The following BPIFC variants were observed in gnomAD, a reference collection of about 807,000 sequenced individuals.
BPIFC encodes the protein BPI fold containing family C, also known as BPI fold-containing family C protein.
BPIFC carries 60 observed loss-of-function variants against 57.6 expected under a neutral mutation model. The ratio of observed to expected loss-of-function variants is 1.04; its 90% CI spans 0.85 to 1.29. BPIFC has a LOEUF of 1.29. Among genes scored for constraint, BPIFC ranks in the 50% most tolerant of loss-of-function variants. The probability of loss-of-function intolerance (pLI) is 0.00; values close to 1 mark genes in which losing one functional copy is unlikely to be tolerated. For missense variants in BPIFC, 581 were observed against 600.5 expected, an observed-to-expected ratio of 0.97 and a Z score of 0.34; for synonymous variants, 243 against 224.5, an observed-to-expected ratio of 1.08 and a Z score of -0.74.
chr22:32,433,977 C>T (rs1281781006), intron 10 of BPIFC, among the ~76,000 whole-genome samples: 2 of 152,056 alleles, frequency 1.3e-5, no homozygotes, highest in South Asian at 2.1e-4. Context: ...CAAGGTCACA[C>T]AGGATGTTAT....
At chr22:32,436,265 G>C (rs549474995) in intron 9 of BPIFC, among the ~76,000 whole-genome samples, 1 of 152,042 alleles carries the variant, frequency 6.6e-6, no homozygotes, top group East Asian at 1.9e-4. Context: ...CTGCACTTCA[G>C]CCTCCAGCCT....
chr22:32,419,259 T>G (rs1354185946), intron 14 of BPIFC, 103 bp downstream of exon 14: 3 of 1,252,030 alleles, frequency 2.4e-6, no homozygotes, highest in Admixed American at 4.5e-5. Context: ...TATGGAGGAA[T>G]CAAGGACTCC....
chr22:32,460,935 G>T (rs1935146842), intron 2 of BPIFC, among the ~76,000 whole-genome samples: 1 of 152,192 alleles, frequency 6.6e-6, no homozygotes, highest in South Asian at 2.1e-4. Flanking sequence ...ATGGTAGAAT[G>T]AATAAATGAA....
intron 4 of BPIFC, 83 bp from the exon 5 acceptor site, chr22:32,447,423 G>T: frequency 6.7e-7 from 1 of 1,498,304 alleles, no homozygotes; most frequent in Non-Finnish European, 9.0e-7. Flanking sequence ...CAGTTGCAGA[G>T]CTCTTACCAT....
intron 9 of BPIFC, among the ~76,000 whole-genome samples, 170 bp from the exon 10 acceptor site, chr22:32,436,050 A>G (rs1035189096): frequency 1.3e-5 from 2 of 152,114 alleles, no homozygotes; most frequent in African/African-American, 2.4e-5. Context: ...CGGGTGAATC[A>G]CTGGAACACT....
chr22:32,456,437 T>TCC, intron 3 of BPIFC, among the ~76,000 whole-genome samples: 4 of 146,540 alleles, frequency 2.7e-5, no homozygotes, highest in Admixed American at 1.4e-4. Context: ...CTTTCTTTCT[T>TCC]TCTTCCCTCC....
chr22:32,424,681 TTCTTCTTCTTCC>T lies in BPIFC; in HGVS notation c.1218-5289_1218-5278del, dbSNP rs1425187830. The stretch of plus-strand genomic sequence containing the variant: ...CTTCTTCTTCTTCTTCTTCTTCTTC[TTCTTCTTCTTCC>T]TCTTCTTCTTCCTCTTCTTCTTCCT... On this transcript the variant is annotated intron_variant, in intron 13 of 16. Coordinates refer to ENST00000300399, the MANE Select transcript of BPIFC (RefSeq NM_174932.3). 1.2e-3 allele frequency among the ~76,000 whole-genome samples: 85 copies of T among 72,700 alleles called. 4 individuals carry two copies. Among genetic ancestry groups the T allele is most frequent in the South Asian group, 2.1e-3 (5 of 2,410 alleles). The allele number at this position is 72,700 out of a possible 152,430, so 47.7% of individuals were successfully genotyped here.
At chr22:32,438,402 T>C (rs973105353) in intron 8 of BPIFC, among the ~76,000 whole-genome samples, 2 of 151,884 alleles carry the variant, frequency 1.3e-5, no homozygotes, top group Non-Finnish European at 2.9e-5. Flanking sequence ...TTGTTTTTTG[T>C]TTTTTTTGAG....
chr22:32,453,352 T>C, intron 4 of BPIFC, 31 bp downstream of exon 4: 1 of 1,503,976 alleles, frequency 6.6e-7, no homozygotes, highest in East Asian at 2.3e-5. Context: ...GAGCTTCTTA[T>C]AAGAGGCAAA....
intron 10 of BPIFC, among the ~76,000 whole-genome samples, chr22:32,434,122 T>C (rs937250950): frequency 6.7e-6 from 1 of 149,752 alleles, no homozygotes; most frequent in Non-Finnish European, 1.5e-5. Context: ...TCTTTATTTT[T>C]ATATATTACA....
In BPIFC at chr22:32,427,492, C is replaced by T. The variant is rs140562581; in HGVS notation, c.1217+3855G>A. On this transcript the variant is annotated intron_variant, in intron 13 of 16. Transcript: ENST00000300399. Reference sequence around the variant, plus strand: ...AGTTAGCAGCCCTGCCCCTGTGCCCCGCCCCGCATCACTCCCCATTTCCAG... The same window carrying T: ...AGTTAGCAGCCCTGCCCCTGTGCCCTGCCCCGCATCACTCCCCATTTCCAG... Among the ~76,000 whole-genome samples the T allele has an allele frequency of 9.2e-5, 14 of 152,254 alleles. No homozygotes were observed. In the East Asian group the frequency reaches 1.2e-3, roughly 13 times the overall value.
At chr22:32,447,578 T>C (rs1934764801) in intron 4 of BPIFC, among the ~76,000 whole-genome samples, 1 of 151,676 alleles carries the variant, frequency 6.6e-6, no homozygotes, top group Non-Finnish European at 1.5e-5. Flanking sequence ...TTTAGAAATA[T>C]ATATGTAATT....
intron 13 of BPIFC, among the ~76,000 whole-genome samples, chr22:32,420,906 GA>G (rs1933829754): frequency 6.6e-6 from 1 of 152,166 alleles, no homozygotes; most frequent in Non-Finnish European, 1.5e-5. Flanking sequence ...AAAATTGAAT[GA>G]AATGATGCAC....
chr22:32,449,955 C>T (rs1300814357), intron 4 of BPIFC, among the ~76,000 whole-genome samples: 10 of 151,906 alleles, frequency 6.6e-5, no homozygotes, highest in Admixed American at 3.3e-4. Context: ...AGGATGGTCT[C>T]GATCTCCTGA....
intron 5 of BPIFC, 47 bp downstream of exon 5, chr22:32,447,165 C>T: frequency 2.8e-6 from 4 of 1,442,408 alleles, no homozygotes; most frequent in Non-Finnish European, 3.7e-6. Context: ...TCCGTTTTTG[C>T]TCACATTCTC....
At position 32,414,255 on chromosome 22, in the gene BPIFC, G is replaced by A. The variant is rs750589457; in HGVS notation, c.*48C>T. ...TTTCCCTTCTGGGTTTACAGTAGTT[G>A]TAGGATTAAGGACCATTTACTTCCT... On this transcript the variant is annotated 3_prime_UTR_variant, in exon 17 of 17. Transcript: ENST00000300399. 9 of 1,603,518 alleles carry A rather than the reference G, an allele frequency of 5.6e-6. No individual in the cohort carries two copies. Among genetic ancestry groups the A allele is most frequent in the Non-Finnish European group, 7.7e-6 (9 of 1,174,620 alleles).
chr22:32,432,238 G>A (rs934347311), intron 12 of BPIFC, 135 bp downstream of exon 12: 48 of 960,920 alleles, frequency 5.0e-5, no homozygotes, highest in Non-Finnish European at 7.3e-5. Flanking sequence ...GAGCCATCAC[G>A]TCCAGCCTCC....
intron 11 of BPIFC, 146 bp from the exon 12 acceptor site, chr22:32,432,689 C>CA (rs1474467089): frequency 1.3e-6 from 1 of 762,994 alleles, no homozygotes; most frequent in East Asian, 2.7e-5. Flanking sequence ...TAATTACACA[C>CA]AAAAATCAAA....
At chr22:32,435,375 T>C (rs1386788309) in intron 10 of BPIFC, among the ~76,000 whole-genome samples, 2 of 152,188 alleles carry the variant, frequency 1.3e-5, no homozygotes, top group Non-Finnish European at 2.9e-5. Context: ...GCTGACATGA[T>C]ACACAACGGA....
Sources: gnomAD v4.1 joint callset for allele counts (sites outside exome capture counted in the v4.1 genomes callset) on GRCh38, gnomAD v4.1.1 for gene constraint, MANE v1.5 for transcripts, NCBI Gene and HGNC (gene_info 2026-07-23, HGNC 2026-07-21) for gene names.